The following FSTL5 variants were observed in gnomAD, a reference collection of about 807,000 sequenced individuals.
FSTL5 encodes the protein follistatin-related protein 5.
FSTL5 carries 62 observed loss-of-function variants against 89.1 expected under a neutral mutation model. That is an observed-to-expected ratio of 0.70 (90% CI 0.57 to 0.86). FSTL5 has a LOEUF of 0.86. Ranked by LOEUF, FSTL5 falls within the 40% of genes least tolerant of loss-of-function variation. The pLI is 0.00. For missense variants in FSTL5, 1,057 were observed against 1,001.6 expected, an observed-to-expected ratio of 1.06 and a Z score of -0.75; for synonymous variants, 383 against 346.2, an observed-to-expected ratio of 1.11 and a Z score of -1.18.
At chr4:162,077,262 G>A (rs1015469713) in intron 2 of FSTL5, among the ~76,000 whole-genome samples, 12 of 151,664 alleles carry the variant, frequency 7.9e-5, no homozygotes, top group Non-Finnish European at 1.2e-4. Context: ...CTGTTATAAT[G>A]AGCCCACTCC....
At chr4:161,646,164 T>A (rs1220818760) in intron 7 of FSTL5, among the ~76,000 whole-genome samples, 1 of 147,828 alleles carries the variant, frequency 6.8e-6, no homozygotes, top group East Asian at 1.9e-4. Flanking sequence ...TTTGTATATA[T>A]AATATATATA....
chr4:162,091,537 T>G (rs931385116), intron 2 of FSTL5, among the ~76,000 whole-genome samples: 1 of 152,168 alleles, frequency 6.6e-6, no homozygotes, highest in Non-Finnish European at 1.5e-5. Flanking sequence ...CCAGTTAACC[T>G]GGCAAACAGT....
intron 3 of FSTL5, among the ~76,000 whole-genome samples, chr4:162,009,873 A>G (rs539680143): frequency 6.6e-6 from 1 of 152,194 alleles, no homozygotes; most frequent in Non-Finnish European, 1.5e-5. Flanking sequence ...GCACCAAGCT[A>G]TAAAGATGAA....
chr4:161,752,223 GGACAGATAGATAGATA>G (rs1243756455), intron 6 of FSTL5, among the ~76,000 whole-genome samples: 126 of 133,704 alleles, frequency 9.4e-4, no homozygotes, highest in African/African-American at 2.9e-3. Flanking sequence ...GATGATAGAT[GGACAGATAGATAGATA>G]GATAGATAGA....
chr4:161,974,162 T>C (rs1341423372), intron 3 of FSTL5, among the ~76,000 whole-genome samples: 2 of 152,056 alleles, frequency 1.3e-5, no homozygotes, highest in Non-Finnish European at 2.9e-5. Context: ...AGAATCAATA[T>C]CGTGAAAATG....
At chr4:161,545,443 T>G (rs1340900748) in intron 8 of FSTL5, among the ~76,000 whole-genome samples, 1 of 13,282 alleles carries the variant, frequency 7.5e-5, no homozygotes, top group Non-Finnish European at 1.5e-4. Flanking sequence ...TGTATTTCTT[T>G]AAGATCTGGC....
intron 4 of FSTL5, among the ~76,000 whole-genome samples, chr4:161,914,677 C>G (rs1452609352): frequency 6.6e-6 from 1 of 152,048 alleles, no homozygotes; most frequent in Non-Finnish European, 1.5e-5. Flanking sequence ...ACCAATTAGC[C>G]TATTATAATC....
intron 4 of FSTL5, among the ~76,000 whole-genome samples, chr4:161,885,449 T>C (rs573776550): frequency 2.6e-5 from 4 of 152,092 alleles, no homozygotes; most frequent in Non-Finnish European, 5.9e-5. Flanking sequence ...ATTTTTAAAA[T>C]TTATTTATTT....
intron 15 of FSTL5, among the ~76,000 whole-genome samples, chr4:161,409,376 T>TTTA (rs1309459797): frequency 1.1e-4 from 16 of 151,938 alleles, no homozygotes; most frequent in African/African-American, 1.7e-4. Context: ...GAATTATTAT[T>TTTA]TTATTATTAT....
chr4:161,913,814 A>G (rs973659807), intron 4 of FSTL5, among the ~76,000 whole-genome samples: 11 of 152,076 alleles, frequency 7.2e-5, no homozygotes, highest in Non-Finnish European at 1.6e-4. Context: ...AATTTCTCTC[A>G]CTTGGAATGG....
chr4:161,697,736 A>G (rs1274504118), intron 6 of FSTL5, among the ~76,000 whole-genome samples: 1 of 152,192 alleles, frequency 6.6e-6, no homozygotes, highest in African/African-American at 2.4e-5. Flanking sequence ...TGTTAAGTAA[A>G]ATAAGCCAGA....
intron 3 of FSTL5, among the ~76,000 whole-genome samples, chr4:161,996,325 T>A (rs1736293187): frequency 6.6e-6 from 1 of 152,218 alleles, no homozygotes; most frequent in South Asian, 2.1e-4. Flanking sequence ...AACTTGCTTT[T>A]CTTTCTGGAT....
intron 4 of FSTL5, among the ~76,000 whole-genome samples, chr4:161,805,024 A>T (rs1268210432): frequency 6.6e-6 from 1 of 152,098 alleles, no homozygotes; most frequent in Non-Finnish European, 1.5e-5. Flanking sequence ...GCATGGAAAA[A>T]TAAAGTCCTA....
At chr4:161,420,662 T>G (rs1731954666) in intron 15 of FSTL5, among the ~76,000 whole-genome samples, 1 of 151,640 alleles carries the variant, frequency 6.6e-6, no homozygotes, top group African/African-American at 2.4e-5. Context: ...GTATATGCAA[T>G]ATTATTTATA....
intron 7 of FSTL5, among the ~76,000 whole-genome samples, chr4:161,593,571 G>T (rs753099290): frequency 1.3e-5 from 2 of 151,906 alleles, no homozygotes; most frequent in African/African-American, 4.8e-5. Context: ...GAAGGGATGA[G>T]GAGGGGGAGG....
intron 1 of FSTL5, among the ~76,000 whole-genome samples, chr4:162,154,167 G>A (rs1486870011): frequency 6.9e-6 from 1 of 145,122 alleles, no homozygotes; most frequent in Non-Finnish European, 1.5e-5. Context: ...ATGAAAAATC[G>A]AATTTACCTT....
chr4:161,527,873 T>C (rs1378702679), intron 10 of FSTL5, among the ~76,000 whole-genome samples: 1 of 150,660 alleles, frequency 6.6e-6, no homozygotes, highest in Non-Finnish European at 1.5e-5. Context: ...CTATTCACAA[T>C]AGCAAAGACT....
chr4:161,526,999 G>A (rs1303232202), intron 10 of FSTL5, among the ~76,000 whole-genome samples: 3 of 152,154 alleles, frequency 2.0e-5, no homozygotes, highest in Non-Finnish European at 4.4e-5. Flanking sequence ...GTAGCTTGAT[G>A]GGGATGGCAT....
intron 7 of FSTL5, among the ~76,000 whole-genome samples, chr4:161,650,213 CAT>C (rs1402335342): frequency 2.6e-5 from 4 of 152,144 alleles, no homozygotes; most frequent in Non-Finnish European, 5.9e-5. Flanking sequence ...ATAAAATTCA[CAT>C]GATATCTTCA....
Sources: gnomAD v4.1 joint callset for allele counts (sites outside exome capture counted in the v4.1 genomes callset) on GRCh38, gnomAD v4.1.1 for gene constraint, MANE v1.5 for transcripts, NCBI Gene and HGNC (gene_info 2026-07-23, HGNC 2026-07-21) for gene names.